The following NREP variants were observed in gnomAD, a reference collection of about 807,000 sequenced individuals.
The protein encoded by NREP is neuronal regeneration related protein.
Under a neutral mutation model 8.6 loss-of-function variants are expected in NREP, and 5 were observed. That is an observed-to-expected ratio of 0.58 (90% CI 0.30 to 1.22). The LOEUF (loss-of-function observed/expected upper bound fraction) is 1.22, where lower values mean the gene tolerates loss of function less well. Among genes scored for constraint, NREP ranks in the 50% most tolerant of loss-of-function variants. The pLI, the probability that NREP is intolerant of heterozygous loss-of-function variation, is 0.07. For missense variants in NREP, 86 were observed against 82.5 expected (o/e 1.04, Z -0.17); for synonymous variants, 27 against 28.0 (o/e 0.96, Z 0.11).
intron 2 of NREP, among the ~76,000 whole-genome samples, chr5:111,828,921 C>G (rs970686089): frequency 3.9e-5 from 6 of 152,066 alleles, no homozygotes; most frequent in Non-Finnish European, 8.8e-5. Flanking sequence ...ATTACACAAA[C>G]ACAACATCAT....
intron 2 of NREP, among the ~76,000 whole-genome samples, chr5:111,843,138 C>A (rs529475135): frequency 2.0e-5 from 3 of 152,018 alleles, no homozygotes; most frequent in Admixed American, 2.0e-4. Flanking sequence ...CTTTCTTCCC[C>A]TTTATTTCTC....
chr5:111,839,765 A>G (rs1046416518), intron 2 of NREP, among the ~76,000 whole-genome samples: 2 of 152,080 alleles, frequency 1.3e-5, no homozygotes, highest in African/African-American at 2.4e-5. Context: ...TGTACCTATA[A>G]TGATTTTAGT....
intron 2 of NREP, among the ~76,000 whole-genome samples, chr5:111,886,426 G>C (rs1205455479): frequency 6.6e-6 from 1 of 152,110 alleles, no homozygotes; most frequent in Non-Finnish European, 1.5e-5. Context: ...ATTCCTCAGG[G>C]ATCTAGAACT....
intron 2 of NREP, among the ~76,000 whole-genome samples, chr5:111,783,702 G>A (rs559102974): frequency 6.3e-4 from 96 of 152,278 alleles, no homozygotes; most frequent in African/African-American, 2.1e-3. Flanking sequence ...GTCTACTAAC[G>A]TAATCATGTG....
chr5:111,859,451 G>A (rs562396379), intron 2 of NREP, among the ~76,000 whole-genome samples: 34 of 152,298 alleles, frequency 2.2e-4, no homozygotes, highest in African/African-American at 7.9e-4. Flanking sequence ...AATCAGAGAT[G>A]AGAGTGTGCC....
chr5:111,925,553 A>G (rs1026950735), intron 2 of NREP, among the ~76,000 whole-genome samples: 4 of 152,036 alleles, frequency 2.6e-5, no homozygotes, highest in African/African-American at 9.7e-5. Flanking sequence ...GTCTGGTCCT[A>G]TTGCCTGTTT....
intron 2 of NREP, among the ~76,000 whole-genome samples, chr5:111,747,846 T>C (rs1750104065): frequency 6.6e-6 from 1 of 152,158 alleles, no homozygotes; most frequent in South Asian, 2.1e-4. Flanking sequence ...AAAATATCTC[T>C]AGCTAGATTA....
At chr5:111,965,954 T>C (rs901929011) in intron 2 of NREP, among the ~76,000 whole-genome samples, 1 of 152,064 alleles carries the variant, frequency 6.6e-6, no homozygotes, top group African/African-American at 2.4e-5. Context: ...ATAGCACAGG[T>C]TGAAGCCCCC....
At chr5:111,834,099 T>A (rs376691531) in intron 2 of NREP, among the ~76,000 whole-genome samples, 1 of 152,150 alleles carries the variant, frequency 6.6e-6, no homozygotes, top group Non-Finnish European at 1.5e-5. Context: ...CTGTGGGAAC[T>A]GGAGTAGAAA....
At chr5:111,947,236 G>C (rs1756013390) in intron 2 of NREP, among the ~76,000 whole-genome samples, 1 of 151,942 alleles carries the variant, frequency 6.6e-6, no homozygotes, top group Non-Finnish European at 1.5e-5. Flanking sequence ...GTAAAACATT[G>C]TCTTAGGAGA....
chr5:111,876,497 G>A (rs1753912832), intron 2 of NREP, among the ~76,000 whole-genome samples: 1 of 152,054 alleles, frequency 6.6e-6, no homozygotes, highest in African/African-American at 2.4e-5. Flanking sequence ...GCAAGCCACT[G>A]GTCTCCAATG....
At chr5:111,946,633 A>C (rs1375585021) in intron 2 of NREP, among the ~76,000 whole-genome samples, 1 of 151,994 alleles carries the variant, frequency 6.6e-6, no homozygotes, top group Non-Finnish European at 1.5e-5. Context: ...CCCTCAGTAC[A>C]GCCTCTATCA....
chr5:111,729,228 G>T (rs1250988876), downstream of NREP: 2 of 152,140 alleles, frequency 1.3e-5, no homozygotes, highest in African/African-American at 4.8e-5. Flanking sequence ...TGGGGCTCTG[G>T]AAACACATGA....
intron 2 of NREP, among the ~76,000 whole-genome samples, chr5:111,934,580 A>G (rs561744458): frequency 6.6e-6 from 1 of 152,228 alleles, no homozygotes; most frequent in Admixed American, 6.5e-5. Flanking sequence ...CACTGAGTCT[A>G]TTTGCTCCCT....
At chr5:111,869,112 T>A (rs990670993) in intron 2 of NREP, among the ~76,000 whole-genome samples, 7 of 152,190 alleles carry the variant, frequency 4.6e-5, no homozygotes, top group Non-Finnish European at 8.8e-5. Flanking sequence ...ATAGCAAATA[T>A]TGCTATTTGT....
At chr5:111,803,535 G>A (rs962039673) in intron 2 of NREP, among the ~76,000 whole-genome samples, 1 of 151,922 alleles carries the variant, frequency 6.6e-6, no homozygotes, top group Non-Finnish European at 1.5e-5. Flanking sequence ...CAGCATTTGG[G>A]GGTCTCCCTT....
chr5:111,776,551 C>A (rs990416737), intron 2 of NREP, among the ~76,000 whole-genome samples: 3 of 152,140 alleles, frequency 2.0e-5, no homozygotes, highest in Admixed American at 1.3e-4. Context: ...TAGCCCTTAA[C>A]TGGAAACATT....
intron 2 of NREP, among the ~76,000 whole-genome samples, chr5:111,892,341 C>T (rs760416197): frequency 3.1e-4 from 47 of 151,686 alleles, no homozygotes; most frequent in Non-Finnish European, 5.4e-4. Context: ...AGAAATACAA[C>T]GAAAACAAAA....
chr5:111,927,510 C>T (rs903981305), intron 2 of NREP, among the ~76,000 whole-genome samples: 1 of 152,148 alleles, frequency 6.6e-6, no homozygotes, highest in African/African-American at 2.4e-5. Flanking sequence ...ACCCACTATT[C>T]CTAAGGGAAA....
Sources: allele counts gnomAD v4.1 joint callset (sites outside exome capture counted in the v4.1 genomes callset), GRCh38; gene constraint gnomAD v4.1.1; transcripts MANE v1.5; gene names NCBI Gene and HGNC (gene_info 2026-07-23, HGNC 2026-07-21).